Variants in TMEFF1 observed in about 807,000 individuals in gnomAD.
TMEFF1 encodes the protein tomoregulin-1.
TMEFF1 carries 20 observed loss-of-function variants against 47.5 expected under a neutral mutation model. The ratio of observed to expected loss-of-function variants is 0.42; its 90% CI spans 0.30 to 0.61. The LOEUF is 0.61. Among genes scored for constraint, TMEFF1 ranks in the 20% least tolerant of loss-of-function variants. TMEFF1 has a pLI of 0.19. For missense variants in TMEFF1, 411 were observed against 471.1 expected, an observed-to-expected ratio of 0.87 and a Z score of 1.18; for synonymous variants, 162 against 166.3, an observed-to-expected ratio of 0.97 and a Z score of 0.20.
At chr9:100,516,803 T>C in intron 5 of TMEFF1, 32 bp downstream of exon 5, 1 of 1,604,904 alleles carries the variant, frequency 6.2e-7, no homozygotes, top group East Asian at 2.2e-5. Flanking sequence ...GACAAAGTTA[T>C]TTAGAGATTA....
chr9:100,476,626 C>T (rs1279218469), intron 1 of TMEFF1, among the ~76,000 whole-genome samples: 1 of 151,502 alleles, frequency 6.6e-6, no homozygotes, highest in Non-Finnish European at 1.5e-5. Context: ...CTCCTGACCT[C>T]AGGTGATCCG....
intron 7 of TMEFF1, among the ~76,000 whole-genome samples, chr9:100,555,162 G>GACACACAC (rs112017161): frequency 1.1e-3 from 156 of 144,474 alleles, no homozygotes; most frequent in East Asian, 3.3e-3. Flanking sequence ...TGTACACACA[G>GACACACAC]ACACACACAC....
chr9:100,548,248 T>C (rs1838773152), intron 6 of TMEFF1, among the ~76,000 whole-genome samples: 4 of 152,186 alleles, frequency 2.6e-5, no homozygotes, highest in Admixed American at 2.6e-4. Flanking sequence ...AACTATGTTA[T>C]TGCCATATAT....
At chr9:100,544,628 A>G (rs149768450) in intron 5 of TMEFF1, among the ~76,000 whole-genome samples, 24 of 152,312 alleles carry the variant, frequency 1.6e-4, no homozygotes, top group Non-Finnish European at 2.9e-4. Flanking sequence ...ATGTCCTCAC[A>G]TTTCAAAACC....
chr9:100,487,602 A>G (rs1235564044), intron 1 of TMEFF1, among the ~76,000 whole-genome samples: 6 of 152,160 alleles, frequency 3.9e-5, no homozygotes, highest in South Asian at 4.2e-4. Context: ...AAATTATTCA[A>G]TGTTTTACAA....
chr9:100,538,746 T>A (rs981110573), intron 5 of TMEFF1, among the ~76,000 whole-genome samples: 19 of 152,240 alleles, frequency 1.2e-4, no homozygotes, highest in Non-Finnish European at 1.9e-4. Flanking sequence ...ATAGCTGTAG[T>A]TAATTCAGTT....
rs185272944 is a variant in TMEFF1 at position 100,487,575 on chromosome 9, T to C, written c.197-11190T>C. On this transcript the variant is annotated intron_variant, in intron 1 of 9. Coordinates refer to ENST00000374879, the MANE Select transcript of TMEFF1 (RefSeq NM_003692.5). ...AAGCACATCCTAATTCCCATTTATTTAGACCTAGTTTTAAAAAAATTATTC... is the reference window on the plus strand; with the variant it reads ...AAGCACATCCTAATTCCCATTTATTCAGACCTAGTTTTAAAAAAATTATTC... Among the ~76,000 whole-genome samples, 497 of 152,342 alleles carry C rather than the reference T, an allele frequency of 3.3e-3. 13 individuals carry two copies. Among genetic ancestry groups the C allele is most frequent in the Admixed American group, 0.03 (456 of 15,284 alleles).
intron 7 of TMEFF1, among the ~76,000 whole-genome samples, chr9:100,557,175 A>G (rs1408599951): frequency 1.3e-5 from 2 of 151,636 alleles, no homozygotes; most frequent in Admixed American, 1.3e-4. Flanking sequence ...AAAGTGTGCA[A>G]TTCAGTGGTT....
At chr9:100,508,421 TA>T (rs1837901319) in intron 2 of TMEFF1, among the ~76,000 whole-genome samples, 1 of 152,110 alleles carries the variant, frequency 6.6e-6, no homozygotes, top group African/African-American at 2.4e-5. Flanking sequence ...TTTTCTTGAA[TA>T]CTTCAGCTTA....
At chr9:100,484,733 A>C (rs1247397604) in intron 1 of TMEFF1, among the ~76,000 whole-genome samples, 2 of 146,114 alleles carry the variant, frequency 1.4e-5, no homozygotes, top group Non-Finnish European at 1.5e-5. Context: ...TCTATCCTCC[A>C]GGCTAGAGGA....
chr9:100,515,986 T>C (rs1015752951), intron 4 of TMEFF1, among the ~76,000 whole-genome samples: 9 of 152,028 alleles, frequency 5.9e-5, no homozygotes, highest in Non-Finnish European at 1.0e-4. Context: ...GCCCTTTCAG[T>C]GTGGAATGTG....
At chr9:100,557,400 T>TA (rs1222538954) in intron 7 of TMEFF1, among the ~76,000 whole-genome samples, 1 of 152,154 alleles carries the variant, frequency 6.6e-6, no homozygotes, top group African/African-American at 2.4e-5. Flanking sequence ...TCCTTGTCCA[T>TA]ACGATGAAGA....
At chr9:100,549,350 G>GC (rs1396039090) in intron 6 of TMEFF1, among the ~76,000 whole-genome samples, 1 of 152,100 alleles carries the variant, frequency 6.6e-6, no homozygotes, top group African/African-American at 2.4e-5. Flanking sequence ...AGGGAAATCT[G>GC]CCCCCCATGA....
At chr9:100,545,178 G>A (rs530783674) in intron 5 of TMEFF1, among the ~76,000 whole-genome samples, 7 of 152,326 alleles carry the variant, frequency 4.6e-5, no homozygotes, top group East Asian at 1.9e-4. Context: ...TCTGTGTGGC[G>A]GCTCTGACCC....
intron 1 of TMEFF1, among the ~76,000 whole-genome samples, chr9:100,485,834 A>G (rs1564007491): frequency 6.6e-6 from 1 of 152,142 alleles, no homozygotes; most frequent in South Asian, 2.1e-4. Context: ...CTTTTAGTTT[A>G]TTAGGTAACT....
At chr9:100,531,469 A>G (rs1471268097) in intron 5 of TMEFF1, among the ~76,000 whole-genome samples, 3 of 152,200 alleles carry the variant, frequency 2.0e-5, no homozygotes, top group Admixed American at 6.5e-5. Flanking sequence ...CCAAATCATG[A>G]GTGAGCTCCC....
At chr9:100,548,439 A>G (rs1232246449) in intron 6 of TMEFF1, among the ~76,000 whole-genome samples, 2 of 152,174 alleles carry the variant, frequency 1.3e-5, no homozygotes, top group Non-Finnish European at 2.9e-5. Context: ...TATAGCTTAG[A>G]AACCATGATA....
intron 1 of TMEFF1, among the ~76,000 whole-genome samples, chr9:100,483,480 A>G (rs1234107400): frequency 6.8e-6 from 1 of 146,612 alleles, no homozygotes; most frequent in Non-Finnish European, 1.5e-5. Flanking sequence ...CTGGGCAACA[A>G]GAGAGAAACA....
chr9:100,542,921 CTCTT>C (rs946123624), intron 5 of TMEFF1, among the ~76,000 whole-genome samples: 5 of 140,436 alleles, frequency 3.6e-5, no homozygotes, highest in African/African-American at 5.2e-5. Flanking sequence ...CTCTCTCTCT[CTCTT>C]TTTTTTTTTT....
Sources: gnomAD v4.1 joint callset for allele counts (sites outside exome capture counted in the v4.1 genomes callset) on GRCh38, gnomAD v4.1.1 for gene constraint, MANE v1.5 for transcripts, NCBI Gene and HGNC (gene_info 2026-07-23, HGNC 2026-07-21) for gene names.